CSMD1: variants seen among roughly 807,000 people sequenced by gnomAD.
CSMD1 encodes CUB and sushi domain-containing protein 1.
CSMD1 carries 213 observed loss-of-function variants against 417.5 expected under a neutral mutation model. That is an observed-to-expected ratio of 0.51 (90% CI 0.46 to 0.57). CSMD1 has a LOEUF of 0.57. CSMD1 is among the 20% of genes least tolerant of loss of function. The pLI is 0.00. For missense variants in CSMD1, 6,923 were observed against 4,529.7 expected (o/e 1.53, Z -15.17); for synonymous variants, 2,862 against 1,736.8 (o/e 1.65, Z -16.11).
intron 8 of CSMD1, among the ~76,000 whole-genome samples, chr8:3,592,894 A>G (rs751038179): frequency 6.6e-6 from 1 of 152,018 alleles, no homozygotes; most frequent in Non-Finnish European, 1.5e-5. Context: ...CTTCTCCACT[A>G]TAAGAAATAA....
chr8:4,273,128 G>C (rs1220859572), intron 3 of CSMD1, among the ~76,000 whole-genome samples: 2 of 152,086 alleles, frequency 1.3e-5, no homozygotes, highest in African/African-American at 4.8e-5. Context: ...CCAAATGATA[G>C]AGGGAAAATT....
intron 5 of CSMD1, among the ~76,000 whole-genome samples, chr8:3,776,885 T>A (rs1426831376): frequency 3.3e-5 from 5 of 150,634 alleles, no homozygotes; most frequent in African/African-American, 1.2e-4. Context: ...AGATATAACT[T>A]TGTATTTTTT....
At chr8:3,840,324 T>C (rs1303808520) in intron 5 of CSMD1, among the ~76,000 whole-genome samples, 1 of 152,158 alleles carries the variant, frequency 6.6e-6, no homozygotes. Flanking sequence ...AGCATCTCGC[T>C]GTCCTGTTAA....
chr8:4,236,915 A>G (rs542046156), intron 3 of CSMD1, among the ~76,000 whole-genome samples: 1 of 152,236 alleles, frequency 6.6e-6, no homozygotes, highest in Non-Finnish European at 1.5e-5. Context: ...CCTCTCAGCT[A>G]AAATTGTAAT....
At chr8:3,298,259 A>T (rs1804119767) in intron 25 of CSMD1, among the ~76,000 whole-genome samples, 1 of 152,204 alleles carries the variant, frequency 6.6e-6, no homozygotes, top group Admixed American at 6.5e-5. Flanking sequence ...AAGCATACAT[A>T]CATTCACCAG....
chr8:3,099,011 G>C (rs759152876), intron 46 of CSMD1, among the ~76,000 whole-genome samples: 1 of 151,424 alleles, frequency 6.6e-6, no homozygotes, highest in Non-Finnish European at 1.5e-5. Context: ...AAAGCTTCTC[G>C]GTACTGCCGA....
intron 3 of CSMD1, among the ~76,000 whole-genome samples, chr8:4,212,936 T>G (rs1800409538): frequency 6.6e-6 from 1 of 152,034 alleles, no homozygotes; most frequent in African/African-American, 2.4e-5. Context: ...CCAACTAGCT[T>G]TCCTTCCCTC....
chr8:2,982,095 C>T (rs917901245), intron 54 of CSMD1, among the ~76,000 whole-genome samples: 10 of 152,154 alleles, frequency 6.6e-5, no homozygotes, highest in African/African-American at 2.4e-4. Flanking sequence ...GTGGCTCACA[C>T]CTGTAATCCC....
At chr8:4,190,162 G>C (rs1055805506) in intron 3 of CSMD1, among the ~76,000 whole-genome samples, 17 of 151,116 alleles carry the variant, frequency 1.1e-4, no homozygotes, top group African/African-American at 4.1e-4. Context: ...AGGAGGCTGA[G>C]GCAAGAGAAT....
At position 4,016,332 on chromosome 8, in the gene CSMD1, A is replaced by G. The variant is rs146930399; in HGVS notation, c.610+15573T>C. Among the ~76,000 whole-genome samples, 21 of 152,260 alleles carry G rather than the reference A, an allele frequency of 1.4e-4. No homozygotes were observed. In the East Asian group the frequency reaches 1.7e-3, roughly 13 times the overall value. On this transcript the variant is annotated intron_variant, in intron 4 of 69. Coordinates refer to ENST00000635120, the MANE Select transcript of CSMD1 (RefSeq NM_033225.6). ...ATGGGGAATAATTAACTACTGACCA[A>G]CTGACTCTCAGACATTTTGCAATCT... is the stretch of plus-strand genomic sequence containing the variant.
chr8:3,846,400 T>C (rs1453692681), intron 5 of CSMD1, among the ~76,000 whole-genome samples: 1 of 151,442 alleles, frequency 6.6e-6, no homozygotes, highest in Non-Finnish European at 1.5e-5. Flanking sequence ...GTGAAATAGA[T>C]AAACATATGT....
chr8:3,526,423 G>C (rs1488663301), intron 10 of CSMD1, among the ~76,000 whole-genome samples: 1 of 152,034 alleles, frequency 6.6e-6, no homozygotes, highest in East Asian at 1.9e-4. Context: ...GTGGCCTAAA[G>C]TTAGTATGCA....
At chr8:3,122,491 G>A (rs1161407753) in intron 41 of CSMD1, among the ~76,000 whole-genome samples, 2 of 152,094 alleles carry the variant, frequency 1.3e-5, no homozygotes, top group Non-Finnish European at 2.9e-5. Flanking sequence ...CAGTTGACGT[G>A]GTATGGCTGT....
At chr8:3,772,249 A>ATACATATATTTATACATACATATG (rs1563063802) in intron 5 of CSMD1, among the ~76,000 whole-genome samples, 6 of 80,238 alleles carry the variant, frequency 7.5e-5, no homozygotes, top group Non-Finnish European at 1.1e-4. Flanking sequence ...ATATAGATAT[A>ATACATATATTTATACATACATATG]TACATATATT....
At chr8:3,642,765 A>C (rs1371566974) in intron 7 of CSMD1, among the ~76,000 whole-genome samples, 1 of 152,158 alleles carries the variant, frequency 6.6e-6, no homozygotes, top group East Asian at 1.9e-4. Context: ...CAAGAAGGCA[A>C]TAAACGCATT....
chr8:4,800,971 T>C (rs1156306863), intron 1 of CSMD1, among the ~76,000 whole-genome samples: 2 of 152,230 alleles, frequency 1.3e-5, no homozygotes, highest in Non-Finnish European at 2.9e-5. Flanking sequence ...CTTCTTTCCT[T>C]AGTTTTATCC....
At chr8:4,030,058 C>G (rs1253861043) in intron 4 of CSMD1, among the ~76,000 whole-genome samples, 1 of 152,200 alleles carries the variant, frequency 6.6e-6, no homozygotes, top group Non-Finnish European at 1.5e-5. Context: ...ACCCCTGTGA[C>G]TTTGAAGAAT....
At chr8:3,544,583 C>G (rs73658181) in intron 10 of CSMD1, among the ~76,000 whole-genome samples, 2 of 152,028 alleles carry the variant, frequency 1.3e-5, no homozygotes, top group Admixed American at 6.6e-5. Context: ...CTCTTAGGGT[C>G]TGGATTGGGA....
At chr8:3,146,013 C>G (rs1490385557) in intron 40 of CSMD1, among the ~76,000 whole-genome samples, 1 of 152,126 alleles carries the variant, frequency 6.6e-6, no homozygotes, top group Non-Finnish European at 1.5e-5. Flanking sequence ...ATATTACTTC[C>G]TCTGTTTTGC....
Sources: gnomAD v4.1 joint callset for allele counts (sites outside exome capture counted in the v4.1 genomes callset) on GRCh38, gnomAD v4.1.1 for gene constraint, MANE v1.5 for transcripts, NCBI Gene and HGNC (gene_info 2026-07-23, HGNC 2026-07-21) for gene names.